The following RNGTT variants were observed in gnomAD, a reference collection of about 807,000 sequenced individuals.
RNGTT encodes the protein mRNA-capping enzyme.
RNGTT carries 33 observed loss-of-function variants against 79.3 expected under a neutral mutation model. That is an observed-to-expected ratio of 0.42 (90% confidence interval 0.32 to 0.56). The LOEUF (loss-of-function observed/expected upper bound fraction) is 0.56, where lower values mean the gene tolerates loss of function less well. RNGTT is among the 20% of genes least tolerant of loss of function. The probability of loss-of-function intolerance (pLI) is 0.17; values close to 1 mark genes in which losing one functional copy is unlikely to be tolerated. For missense variants in RNGTT, 497 were observed against 739.1 expected (o/e 0.67, Z 3.80); for synonymous variants, 222 against 235.9 (o/e 0.94, Z 0.54).
intron 9 of RNGTT, among the ~76,000 whole-genome samples, chr6:88,850,610 AC>A (rs1484547077): frequency 2.0e-5 from 3 of 151,304 alleles, no homozygotes; most frequent in Non-Finnish European, 3.0e-5. Flanking sequence ...TACAAAAAAA[AC>A]ACACTGATTT....
At chr6:88,626,117 CA>C (rs1400760692) in intron 14 of RNGTT, among the ~76,000 whole-genome samples, 2 of 151,946 alleles carry the variant, frequency 1.3e-5, no homozygotes, top group African/African-American at 4.8e-5. Context: ...ATAATTTGAT[CA>C]GGGGTTAATA....
intron 13 of RNGTT, among the ~76,000 whole-genome samples, chr6:88,765,591 C>T (rs1778433397): frequency 6.6e-6 from 1 of 152,128 alleles, no homozygotes; most frequent in Non-Finnish European, 1.5e-5. Flanking sequence ...ATCTTCAGCA[C>T]AACAAATCTA....
At chr6:88,918,487 G>A (rs1282261198) in intron 4 of RNGTT, among the ~76,000 whole-genome samples, 3 of 152,108 alleles carry the variant, frequency 2.0e-5, no homozygotes, top group Non-Finnish European at 4.4e-5. Flanking sequence ...TCAGCGGGAG[G>A]GGATTATTTA....
At chr6:88,670,860 C>T (rs545238651) in intron 14 of RNGTT, among the ~76,000 whole-genome samples, 73 of 152,248 alleles carry the variant, frequency 4.8e-4, no homozygotes, top group African/African-American at 1.7e-3. Flanking sequence ...GATCTTGAGA[C>T]GCGAGTCTAC....
intron 14 of RNGTT, among the ~76,000 whole-genome samples, chr6:88,628,863 G>A (rs1252950856): frequency 6.6e-6 from 1 of 152,154 alleles, no homozygotes; most frequent in African/African-American, 2.4e-5. Flanking sequence ...ATGACTAACA[G>A]TTAAAGAGCT....
At chr6:88,771,303 A>ATGTGTC (rs1554215701) in intron 12 of RNGTT, among the ~76,000 whole-genome samples, 1 of 82,500 alleles carries the variant, frequency 1.2e-5, no homozygotes, top group Non-Finnish European at 2.3e-5. Flanking sequence ...GTATGTATGT[A>ATGTGTC]TGTGTGTGTG....
At chr6:88,709,099 G>A in intron 13 of RNGTT, among the ~76,000 whole-genome samples, 1 of 152,030 alleles carries the variant, frequency 6.6e-6, no homozygotes, top group East Asian at 1.9e-4. Flanking sequence ...CATGAGGTCA[G>A]GAGTTCGAGA....
rs768952017 is a variant in RNGTT, at chr6:88,614,344, CAA to C, written c.1556_1557del (p.Phe519Ter). 2.5e-6 allele frequency: 4 copies of C among 1,613,746 alleles called. No homozygotes were observed. The highest frequency in any genetic ancestry group is 3.4e-6 in the Non-Finnish European group (4 of 1,179,674). Reference sequence around the variant, plus strand: ...CTCATGAAGACCCAGCTGTTGTTCTCAAATTTGCATTCTATAATTTTGTTGTC... The same window carrying C: ...CTCATGAAGACCCAGCTGTTGTTCTCATTTGCATTCTATAATTTTGTTGTC... ...QYDNKIIECK[F>X]ENNSWVFMRQ... On this transcript the variant is annotated frameshift_variant, in exon 15 of 16. Coordinates refer to ENST00000369485, the MANE Select transcript of RNGTT (RefSeq NM_003800.5). LOFTEE classifies it high-confidence loss of function.
At chr6:88,631,989 C>A (rs1035146077) in intron 14 of RNGTT, among the ~76,000 whole-genome samples, 2 of 152,146 alleles carry the variant, frequency 1.3e-5, no homozygotes, top group African/African-American at 4.8e-5. Context: ...GAGACAAGGT[C>A]TTGCTCTGTC....
At chr6:88,675,917 A>G (rs936418348) in intron 14 of RNGTT, among the ~76,000 whole-genome samples, 2 of 152,232 alleles carry the variant, frequency 1.3e-5, no homozygotes, top group Non-Finnish European at 2.9e-5. Context: ...GGAGACCTAA[A>G]TAACTAGAGA....
intron 8 of RNGTT, among the ~76,000 whole-genome samples, chr6:88,871,280 G>A (rs1217353460): frequency 6.6e-6 from 1 of 151,082 alleles, no homozygotes; most frequent in Non-Finnish European, 1.5e-5. Context: ...TTCAAAGTAT[G>A]ATGCACTTAT....
intron 13 of RNGTT, among the ~76,000 whole-genome samples, chr6:88,721,778 G>C (rs1289650555): frequency 6.6e-6 from 1 of 151,926 alleles, no homozygotes; most frequent in Admixed American, 6.6e-5. Flanking sequence ...AAATATTCTA[G>C]TCTGCCTGGA....
At chr6:88,960,034 C>G (rs759345925) in intron 1 of RNGTT, among the ~76,000 whole-genome samples, 8 of 152,286 alleles carry the variant, frequency 5.3e-5, no homozygotes, top group Middle Eastern at 3.4e-3. Context: ...CTCACCTGAT[C>G]TCCTTCTTCC....
intron 13 of RNGTT, among the ~76,000 whole-genome samples, chr6:88,699,666 A>G (rs997357387): frequency 3.9e-5 from 6 of 152,290 alleles, no homozygotes; most frequent in East Asian, 3.9e-4. Flanking sequence ...CCCTGTCTCA[A>G]CAAACAAACA....
chr6:88,772,275 T>C (rs1424834636), intron 12 of RNGTT, among the ~76,000 whole-genome samples: 1 of 143,328 alleles, frequency 7.0e-6, no homozygotes, highest in Non-Finnish European at 1.5e-5. Context: ...CTGATTTCTT[T>C]AAAAAAAAAA....
intron 14 of RNGTT, among the ~76,000 whole-genome samples, chr6:88,639,631 A>G (rs985311842): frequency 4.6e-5 from 7 of 152,134 alleles, no homozygotes; most frequent in African/African-American, 1.4e-4. Context: ...TTGTATACAT[A>G]TCTCCTTGGA....
At chr6:88,840,207 G>A (rs1001821278) in intron 11 of RNGTT, among the ~76,000 whole-genome samples, 1 of 152,064 alleles carries the variant, frequency 6.6e-6, no homozygotes, top group Non-Finnish European at 1.5e-5. Flanking sequence ...CCTGTCAATT[G>A]TAGTTATTAT....
At chr6:88,776,647 C>T (rs1778895989) in intron 12 of RNGTT, among the ~76,000 whole-genome samples, 1 of 138,444 alleles carries the variant, frequency 7.2e-6, no homozygotes, top group Admixed American at 7.2e-5. Context: ...CTGTTGACCA[C>T]TTTCATGGCT....
intron 13 of RNGTT, among the ~76,000 whole-genome samples, chr6:88,767,578 T>C (rs545706789): frequency 1.1e-4 from 16 of 147,918 alleles, no homozygotes; most frequent in African/African-American, 3.7e-4. Context: ...AATACAAATA[T>C]AGCATTAAGA....
Sources: gnomAD v4.1 joint callset for allele counts (sites outside exome capture counted in the v4.1 genomes callset) on GRCh38, gnomAD v4.1.1 for gene constraint, MANE v1.5 for transcripts, NCBI Gene and HGNC (gene_info 2026-07-23, HGNC 2026-07-21) for gene names.